Variants in C16orf46 observed in about 807,000 individuals in gnomAD.
C16orf46 encodes the protein chromosome 16 open reading frame 46.
In C16orf46, 7 loss-of-function variants were observed where a neutral mutation model predicts 5.5. That is an observed-to-expected ratio of 1.28 (90% CI 0.73 to 2.40). C16orf46 has a LOEUF of 2.40. Ranked by LOEUF, C16orf46 falls within the 30% of genes most tolerant of loss-of-function variation. C16orf46 has a pLI of 0.00. For missense variants in C16orf46, 614 were observed against 476.0 expected, an observed-to-expected ratio of 1.29 and a Z score of -2.70; for synonymous variants, 200 against 184.1, an observed-to-expected ratio of 1.09 and a Z score of -0.70.
At chr16:81,060,761 G>C (rs1237372203), downstream of C16orf46, 1 of 184,204 alleles carries the variant, frequency 5.4e-6, no homozygotes, top group African/African-American at 2.4e-5. Flanking sequence ...GGGGCAGAAA[G>C]GACACCTGCC....
chr16:81,061,211 G>C lies in C16orf46; in HGVS notation c.1138C>G (p.Leu380Val). The C allele has an allele frequency of 6.2e-7, 1 of 1,614,058 alleles. No individual in the cohort carries two copies. Among genetic ancestry groups the C allele is most frequent in the Admixed American group, 1.7e-5 (1 of 60,012 alleles). ...GGAATGATAACTCTGCTCACTGTGAGAGACGGCAAGACAGGTCTTGGGAAA... is the reference window on the plus strand; with the variant it reads ...GGAATGATAACTCTGCTCACTGTGACAGACGGCAAGACAGGTCTTGGGAAA... ...KVFPRPVLPS[L>V]TVSRVIIPVS... Residue 380 changes from leucine to valine, a missense_variant, in exon 4 of 4, where the codon CTC becomes GTC. Leu to Val is a conservative substitution (Grantham distance 32). Transcript: ENST00000299578.
intron 1 of C16orf46, among the ~76,000 whole-genome samples, chr16:81,068,064 A>G (rs1017610236): frequency 2.6e-5 from 4 of 152,366 alleles, no homozygotes; most frequent in African/African-American, 9.6e-5. Context: ...GTGTAAATGC[A>G]GAAAAGAATA....
chr16:81,066,506 A>AT (rs975009190), intron 1 of C16orf46, among the ~76,000 whole-genome samples: 2 of 152,116 alleles, frequency 1.3e-5, no homozygotes, highest in African/African-American at 2.4e-5. Flanking sequence ...CGCCTGGCTA[A>AT]TTTTTTTGTA....
chr16:81,068,825 C>T (rs1263618712), intron 1 of C16orf46, among the ~76,000 whole-genome samples: 5 of 152,102 alleles, frequency 3.3e-5, no homozygotes, highest in African/African-American at 1.2e-4. Flanking sequence ...CCTCAGCCTC[C>T]CAAGTAGCTG....
chr16:81,056,157 C>T (rs576048577), downstream of C16orf46: 3 of 152,308 alleles, frequency 2.0e-5, no homozygotes, highest in East Asian at 3.9e-4. Context: ...GTATTGGCTG[C>T]CTTTTCATAT....
intron 1 of C16orf46, among the ~76,000 whole-genome samples, chr16:81,075,081 G>T (rs1021430291): frequency 3.9e-5 from 6 of 152,092 alleles, no homozygotes; most frequent in African/African-American, 1.4e-4. Flanking sequence ...CTTTCACTTG[G>T]ACATTTGCTA....
chr16:81,072,437 G>C (rs866994944), intron 1 of C16orf46, among the ~76,000 whole-genome samples: 33 of 152,062 alleles, frequency 2.2e-4, no homozygotes, highest in African/African-American at 7.5e-4. Flanking sequence ...CCAGGCTGGA[G>C]TGCAATGGTG....
chr16:81,067,448 A>G (rs187762216), intron 1 of C16orf46, among the ~76,000 whole-genome samples: 8 of 152,344 alleles, frequency 5.3e-5, no homozygotes, highest in Admixed American at 5.2e-4. Flanking sequence ...CCATGATGTT[A>G]TCGGAGAGCT....
rs1250328605 is a variant in C16orf46, at chr16:81,062,055, G to A, written c.294C>T (p.Ala98=). ...IPKKARVGEG[A]CSDCLVCVNL... ...TAACACACACCAAGCAGTCGCTGCAGGCACCTTCCCCTACCCTCGCCTTTT... is the reference window on the plus strand; with the variant it reads ...TAACACACACCAAGCAGTCGCTGCAAGCACCTTCCCCTACCCTCGCCTTTT... The change falls in exon 4 of 4, where the codon GCC becomes GCT. Residue 98 remains alanine, a synonymous_variant. Transcript: ENST00000299578. 65 of 1,612,902 alleles carry A rather than the reference G, an allele frequency of 4.0e-5. No homozygotes were observed. The highest frequency in any genetic ancestry group is 4.7e-5 in the Non-Finnish European group (56 of 1,179,990).
At chr16:81,062,495 C>G (rs2151749990) in intron 3 of C16orf46, among the ~76,000 whole-genome samples, 1 of 152,294 alleles carries the variant, frequency 6.6e-6, no homozygotes, top group African/African-American at 2.4e-5. Flanking sequence ...GACTATATTT[C>G]TTTTCAAATG....
downstream of C16orf46, among the ~76,000 whole-genome samples, chr16:81,057,729 G>C (rs1213445903): frequency 6.6e-6 from 1 of 151,778 alleles, no homozygotes; most frequent in Admixed American, 6.6e-5. Flanking sequence ...TCCAGAGCAA[G>C]ACTGATCAAA....
chr16:81,056,008 A>G (rs530472163), downstream of C16orf46: 12 of 152,334 alleles, frequency 7.9e-5, no homozygotes, highest in East Asian at 1.4e-3. Context: ...ACGAGCCACA[A>G]TGCCCAGCCA....
chr16:81,062,285 T>C, intron 3 of C16orf46, 147 bp from the exon 4 acceptor site: 1 of 655,640 alleles, frequency 1.5e-6, no homozygotes, highest in East Asian at 3.1e-5. Flanking sequence ...CCCCCACTAA[T>C]AATTTTCTTA....
Position 81,073,609 on chromosome 16 carries a change from T to C in C16orf46, c.-128+3527A>G, listed in dbSNP as rs553284897. The stretch of plus-strand genomic sequence containing the variant: ...TTAACCAGTTGACCTGAAGATAGGA[T>C]ATTATTTTAGATAATCTGGGTGGCC... On this transcript the variant is annotated intron_variant, in intron 1 of 3. Transcript: ENST00000299578. Among the ~76,000 whole-genome samples the C allele has an allele frequency of 1.8e-4, 27 of 152,346 alleles. No individual in the cohort carries two copies. The South Asian group carries it at 5.4e-3, about 30-fold the overall frequency.
At chr16:81,057,363 A>G (rs1555526012), downstream of C16orf46, among the ~76,000 whole-genome samples, 1 of 151,794 alleles carries the variant, frequency 6.6e-6, no homozygotes, top group Non-Finnish European at 1.5e-5. Context: ...AGCCTGGCCT[A>G]CATGGTGAAA....
downstream of C16orf46, among the ~76,000 whole-genome samples, chr16:81,059,064 TA>T (rs1971385685): frequency 6.6e-6 from 1 of 152,112 alleles, no homozygotes; most frequent in African/African-American, 2.4e-5. Flanking sequence ...CTTATTTATT[TA>T]TTTTTTTGAG....
intron 1 of C16orf46, among the ~76,000 whole-genome samples, chr16:81,067,466 A>G (rs190873636): frequency 6.6e-6 from 1 of 152,368 alleles, no homozygotes; most frequent in East Asian, 1.9e-4. Context: ...GCTCCAAGAA[A>G]TGAAATGTGG....
chr16:81,066,668 A>G (rs1401244118), intron 1 of C16orf46, among the ~76,000 whole-genome samples: 1 of 152,234 alleles, frequency 6.6e-6, no homozygotes, highest in African/African-American at 2.4e-5. Flanking sequence ...GAATGCAGAC[A>G]TCTATATTCA....
chr16:81,054,123 A>G, intron 3 of C16orf46: 1 of 1,605,752 alleles, frequency 6.2e-7, no homozygotes. Flanking sequence ...TGACTTCAGA[A>G]AATGTAGAGC....
Sources: gnomAD v4.1 joint callset for allele counts (sites outside exome capture counted in the v4.1 genomes callset) on GRCh38, gnomAD v4.1.1 for gene constraint, MANE v1.5 for transcripts, NCBI Gene and HGNC (gene_info 2026-07-23, HGNC 2026-07-21) for gene names.